The following PKHD1 variants were observed in gnomAD, a reference collection of about 807,000 sequenced individuals.
PKHD1 encodes the protein PKHD1 ciliary IPT domain containing fibrocystin/polyductin.
PKHD1 carries 291 observed loss-of-function variants against 412.0 expected under a neutral mutation model. That is an observed-to-expected ratio of 0.71 (90% CI 0.64 to 0.78). The LOEUF (loss-of-function observed/expected upper bound fraction) is 0.78. Ranked by LOEUF, PKHD1 falls within the 30% of genes least tolerant of loss-of-function variation. PKHD1 has a pLI of 0.00. For missense variants in PKHD1, 4,825 were observed against 4,950.7 expected (o/e 0.97, Z 0.76); for synonymous variants, 1,777 against 1,821.5 (o/e 0.98, Z 0.62).
At chr6:51,780,881 C>T (rs1791880051) in intron 53 of PKHD1, among the ~76,000 whole-genome samples, 1 of 152,128 alleles carries the variant, frequency 6.6e-6, no homozygotes, top group Non-Finnish European at 1.5e-5. Flanking sequence ...GTCACTGAAT[C>T]CAAAGCAACA....
chr6:51,775,841 T>C lies in PKHD1; in HGVS notation c.8521A>G (p.Met2841Val), dbSNP rs113562492. 1.9e-3 allele frequency: 2,932 copies of C among 1,582,968 alleles called. 32 individuals are homozygous for C. In the African/African-American group the frequency reaches 0.021, roughly 11 times the overall value. The change falls in exon 54 of 67, where the codon ATG (methionine) becomes GTG (valine). Residue 2841 changes from methionine (M) to valine (V), a missense_variant. By Grantham distance (21) the Met-to-Val change is conservative. Transcript: ENST00000371117. ...RASEGVFCDRMNGIHIDPGTI... is the reference protein window; with the variant it reads ...RASEGVFCDRVNGIHIDPGTI... ...CCTGGGTCAATATGAATTCCATTCA[T>C]ACGGTCACAAAAGACTCCCTCTGAG...
At chr6:51,701,143 C>A (rs55845655) in intron 60 of PKHD1, among the ~76,000 whole-genome samples, 1 of 152,042 alleles carries the variant, frequency 6.6e-6, no homozygotes, top group African/African-American at 2.4e-5. Context: ...TTTTGAATAA[C>A]TAAAACATTA....
At position 51,991,745 on chromosome 6, in the gene PKHD1, T is replaced by C. The variant is rs149365961; in HGVS notation, c.5751+18564A>G. The stretch of plus-strand genomic sequence containing the variant: ...TGTTTCTTAAGACTTCACAGAGAAA[T>C]CTTAAATTGTACTTTAATGATGGAC... On this transcript the variant is annotated intron_variant, in intron 35 of 66. Transcript: ENST00000371117. Among the ~76,000 whole-genome samples the C allele has an allele frequency of 4.5e-3, 682 of 152,304 alleles. 1 individual carries two copies. The highest frequency in any genetic ancestry group is 7.9e-3 in the Non-Finnish European group (539 of 68,022).
intron 52 of PKHD1, among the ~76,000 whole-genome samples, chr6:51,796,653 T>G (rs1343089401): frequency 6.6e-6 from 1 of 152,134 alleles, no homozygotes; most frequent in Non-Finnish European, 1.5e-5. Flanking sequence ...AATTTCTGTC[T>G]TAATGCTGCT....
chr6:52,023,696 C>T (rs576747007), intron 32 of PKHD1, among the ~76,000 whole-genome samples: 3 of 152,290 alleles, frequency 2.0e-5, no homozygotes, highest in Admixed American at 1.3e-4. Flanking sequence ...ACTTGACTAA[C>T]TCAAAAATAA....
intron 60 of PKHD1, among the ~76,000 whole-genome samples, chr6:51,711,995 A>G (rs1349422452): frequency 6.6e-6 from 1 of 152,204 alleles, no homozygotes; most frequent in African/African-American, 2.4e-5. Context: ...AATCTAACCA[A>G]CAGAGATTGC....
At chr6:51,798,251 T>C (rs1007744395) in intron 52 of PKHD1, among the ~76,000 whole-genome samples, 2 of 152,036 alleles carry the variant, frequency 1.3e-5, no homozygotes, top group Admixed American at 6.6e-5. Flanking sequence ...TGGTGATGCA[T>C]ACCTGTAATC....
intron 53 of PKHD1, among the ~76,000 whole-genome samples, chr6:51,777,163 T>C (rs146355825): frequency 1.3e-5 from 2 of 152,204 alleles, no homozygotes; most frequent in Non-Finnish European, 2.9e-5. Context: ...CAATGTGAAA[T>C]AACTAGTAAA....
At position 52,056,870 on chromosome 6, in the gene PKHD1, T is replaced by C; in HGVS notation, c.1602+20A>G. On this transcript the variant is annotated intron_variant, in intron 17 of 66. Transcript: ENST00000371117. Reference sequence around the variant, plus strand: ...CAGTTCTCCCACTCCCCTCCCTCATTTTTTGAAGAAGTCTCCCACCAGATG... The same window carrying C: ...CAGTTCTCCCACTCCCCTCCCTCATCTTTTGAAGAAGTCTCCCACCAGATG... 1.2e-6 allele frequency: 2 copies of C among 1,604,906 alleles called. No individual in the cohort carries two copies. The highest frequency in any genetic ancestry group is 1.7e-6 in the Non-Finnish European group (2 of 1,171,590).
At chr6:52,042,411 T>C (rs1052245927) in intron 27 of PKHD1, among the ~76,000 whole-genome samples, 3 of 152,206 alleles carry the variant, frequency 2.0e-5, no homozygotes, top group African/African-American at 7.2e-5. Flanking sequence ...CTGGCTGGGT[T>C]GTTTTTAACT....
At chr6:51,662,761 G>GA (rs1442407432) in intron 60 of PKHD1, among the ~76,000 whole-genome samples, 2 of 151,284 alleles carry the variant, frequency 1.3e-5, no homozygotes, top group South Asian at 2.1e-4. Flanking sequence ...AGATTCTGCA[G>GA]AAAAAAAAGA....
At chr6:52,020,606 C>A (rs902870109) in intron 33 of PKHD1, among the ~76,000 whole-genome samples, 1 of 152,126 alleles carries the variant, frequency 6.6e-6, no homozygotes. Context: ...AGAACTGCTG[C>A]CATAGAGGAA....
chr6:52,027,517 A>G (rs1392919661), intron 31 of PKHD1, among the ~76,000 whole-genome samples: 1 of 133,218 alleles, frequency 7.5e-6, no homozygotes, highest in African/African-American at 2.7e-5. Flanking sequence ...GGGCAACAAG[A>G]GCGAAACTCC....
At chr6:52,060,962 G>T (rs1224218874) in intron 14 of PKHD1, among the ~76,000 whole-genome samples, 1 of 152,094 alleles carries the variant, frequency 6.6e-6, no homozygotes, top group Non-Finnish European at 1.5e-5. Flanking sequence ...CTGGCTTGTG[G>T]TTCCTCAAAA....
At chr6:51,767,842 T>C (rs1582568164) in intron 55 of PKHD1, among the ~76,000 whole-genome samples, 5 of 152,340 alleles carry the variant, frequency 3.3e-5, no homozygotes, top group African/African-American at 1.2e-4. Context: ...AGTAATGGGA[T>C]GGCTGGATCA....
chr6:51,743,462 G>A (rs901427069), intron 60 of PKHD1, among the ~76,000 whole-genome samples: 20 of 152,150 alleles, frequency 1.3e-4, no homozygotes, highest in African/African-American at 4.3e-4. Flanking sequence ...GGCATATTGA[G>A]TCTGAGATGT....
chr6:51,770,939 G>A (rs1396211127), intron 55 of PKHD1, among the ~76,000 whole-genome samples: 1 of 152,018 alleles, frequency 6.6e-6, no homozygotes, highest in Non-Finnish European at 1.5e-5. Flanking sequence ...ACCCAATAAT[G>A]TGGGTGGGCC....
chr6:51,843,642 C>T (rs547407556), intron 50 of PKHD1, among the ~76,000 whole-genome samples: 2 of 152,290 alleles, frequency 1.3e-5, no homozygotes, highest in South Asian at 2.1e-4. Flanking sequence ...ACAGTCATAC[C>T]CATTCCCAAG....
Position 51,775,924 on chromosome 6 carries a change from G to GT in PKHD1, c.8441-4dup. On this transcript the variant is annotated splice_polypyrimidine_tract_variant and splice_region_variant and intron_variant, in intron 53 of 66. Transcript: ENST00000371117. ...TTCTAAGGGATTTTCTAAAGTACCT[G>GT]TTTACAAAGAAAAGTATATCATTCA... 7.6e-7 allele frequency: 1 copy of GT among 1,321,484 alleles called. No homozygotes were observed. Among genetic ancestry groups the GT allele is most frequent in the Non-Finnish European group, 1.1e-6 (1 of 915,146 alleles). The allele number at this position is 1,321,484 out of a possible 1,614,324, so 81.9% of individuals were successfully genotyped here.
Sources: allele counts gnomAD v4.1 joint callset (sites outside exome capture counted in the v4.1 genomes callset), GRCh38; gene constraint gnomAD v4.1.1; transcripts MANE v1.5; gene names NCBI Gene and HGNC (gene_info 2026-07-23, HGNC 2026-07-21).